HDAC4: variants seen among roughly 807,000 people sequenced by gnomAD.
HDAC4 encodes the protein histone deacetylase 4.
HDAC4 carries 16 observed loss-of-function variants against 135.1 expected under a neutral mutation model. The ratio of observed to expected loss-of-function variants is 0.12; its 90% CI spans 0.08 to 0.18. The LOEUF is 0.18. Ranked by LOEUF, HDAC4 falls within the 10% of genes least tolerant of loss-of-function variation. The pLI is 1.00. For synonymous variants in HDAC4, 685 were observed against 653.4 expected (o/e 1.05, Z -0.74); for missense variants, 1,143 against 1,511.8 (o/e 0.76, Z 4.05).
intron 2 of HDAC4, among the ~76,000 whole-genome samples, chr2:239,350,550 C>A (rs1037397218): frequency 3.9e-5 from 6 of 151,948 alleles, no homozygotes; most frequent in African/African-American, 1.5e-4. Context: ...TGTCGCCAGG[C>A]TGAAGTACAG....
intron 12 of HDAC4, among the ~76,000 whole-genome samples, chr2:239,124,770 T>C (rs13000155): frequency 0.21 from 5,268 of 25,024 alleles, 437 homozygotes; most frequent in African/African-American, 0.26. Flanking sequence ...TGTGACATTC[T>C]GGTGTGCTGG....
intron 1 of HDAC4, among the ~76,000 whole-genome samples, chr2:239,363,567 C>T (rs923785982): frequency 6.6e-6 from 1 of 152,152 alleles, no homozygotes; most frequent in Non-Finnish European, 1.5e-5. Context: ...CCATACAGCC[C>T]GCCATGATGG....
intron 1 of HDAC4, among the ~76,000 whole-genome samples, chr2:239,353,829 C>A (rs1206108000): frequency 3.9e-5 from 6 of 152,214 alleles, no homozygotes; most frequent in African/African-American, 1.2e-4. Context: ...ATTCCCACCA[C>A]AAAATGTCAT....
rs765730189 is a variant in HDAC4, at chr2:239,190,066, T to A, written c.106A>T (p.Thr36Ser). The A allele has an allele frequency of 6.3e-7, 1 of 1,599,474 alleles. No homozygotes were observed. The highest frequency in any genetic ancestry group is 8.5e-7 in the Non-Finnish European group (1 of 1,178,882). Residue 36 changes from threonine to serine, a missense_variant, in exon 4 of 27, where the codon ACG (threonine) becomes TCG (serine). Physicochemically the swap from Thr to Ser is moderately conservative, Grantham distance 58. Around this residue, in one of 9 missense-constraint regions of HDAC4, gnomAD observed 247 missense variants for 310.0 expected, o/e 0.80. Transcript: ENST00000543185. ...NHMPSTVDVATALPLQVAPSA... is the reference protein window; with the variant it reads ...NHMPSTVDVASALPLQVAPSA... ...GGGGCCACTTGCAGAGGCAGCGCCGTGGCCACATCCACTGTGGGAAAAACA... is the reference window on the plus strand; with the variant it reads ...GGGGCCACTTGCAGAGGCAGCGCCGAGGCCACATCCACTGTGGGAAAAACA...
chr2:239,204,906 C>G (rs780256931), intron 3 of HDAC4, among the ~76,000 whole-genome samples: 20 of 152,160 alleles, frequency 1.3e-4, no homozygotes, highest in African/African-American at 2.4e-5. Context: ...AGAGCTAACC[C>G]CTGCTACCTG....
chr2:239,328,581 C>T (rs1248581415), intron 2 of HDAC4, among the ~76,000 whole-genome samples: 1 of 152,200 alleles, frequency 6.6e-6, no homozygotes, highest in Non-Finnish European at 1.5e-5. Context: ...ACATCCTATC[C>T]ATGAGAGTGG....
At chr2:239,321,444 G>GCAAC (rs2053307332) in intron 2 of HDAC4, among the ~76,000 whole-genome samples, 1 of 114,086 alleles carries the variant, frequency 8.8e-6, no homozygotes, top group African/African-American at 3.3e-5. Context: ...CAGCCTGGGT[G>GCAAC]AAAGAGCAAG....
chr2:239,112,236 T>A (rs2038741501), intron 13 of HDAC4, among the ~76,000 whole-genome samples: 1 of 152,192 alleles, frequency 6.6e-6, no homozygotes. Flanking sequence ...CACTCTGCCA[T>A]ACCACACACA....
intron 24 of HDAC4, chr2:239,055,284 G>C (rs1181879586): frequency 4.1e-6 from 1 of 242,808 alleles, no homozygotes; most frequent in Non-Finnish European, 8.2e-6. Flanking sequence ...AGATGAAATG[G>C]AAGAAGTAGT....
intron 2 of HDAC4, among the ~76,000 whole-genome samples, chr2:239,315,515 C>T (rs752788000): frequency 1.4e-4 from 22 of 152,162 alleles, no homozygotes; most frequent in Non-Finnish European, 2.2e-4. Flanking sequence ...TGCTAAAACA[C>T]GCCTCAAAGC....
chr2:239,301,057 T>A (rs2052225686), intron 2 of HDAC4, among the ~76,000 whole-genome samples: 1 of 152,216 alleles, frequency 6.6e-6, no homozygotes, highest in South Asian at 2.1e-4. Context: ...CTGCTGCTGC[T>A]GCTCAGCCGG....
At chr2:239,080,178 C>T (rs146061220) in intron 22 of HDAC4, among the ~76,000 whole-genome samples, 63 of 148,508 alleles carry the variant, frequency 4.2e-4, no homozygotes, top group Admixed American at 8.6e-4. Context: ...GCACTCACAT[C>T]CATACACAGA....
rs1331000199 is a variant in HDAC4 at position 239,352,850 on chromosome 2, C to T, written c.-151G>A. 5 of 795,516 alleles carry T rather than the reference C, an allele frequency of 6.3e-6. No individual in the cohort carries two copies. Among genetic ancestry groups the T allele is most frequent in the African/African-American group, 1.7e-5 (1 of 58,556 alleles). 49.3% of individuals were successfully genotyped at this position (795,516 alleles called of 1,614,324 possible). On this transcript the variant is annotated 5_prime_UTR_variant, in exon 2 of 27. Coordinates refer to ENST00000543185, the MANE Select transcript of HDAC4 (RefSeq NM_001378414.1). The surrounding 1 kb of genome is among the most constrained non-coding windows in gnomAD (Gnocchi z 4.4). ...CAGACGTTCAAGCGCCGAGCCTCGC[C>T]GGCAAGGTCTCATGAGCCAGGTAAC...
Position 239,286,717 on chromosome 2 carries a change from G to C in HDAC4, c.23-50053C>G, listed in dbSNP as rs577324130. ...CATCAAGGACAAAAGAAGATGTGAC[G>C]AGCAGCCAGTGAGACACAGACAGAC... On this transcript the variant is annotated intron_variant, in intron 2 of 26. Coordinates refer to ENST00000543185, the MANE Select transcript of HDAC4 (RefSeq NM_001378414.1). 6.0e-5 allele frequency among the ~76,000 whole-genome samples: 9 copies of C among 149,074 alleles called. No individual in the cohort carries two copies. In the South Asian group the frequency reaches 1.7e-3, roughly 28 times the overall value.
chr2:239,134,756 T>C lies in HDAC4; in HGVS notation c.979-113A>G, dbSNP rs10210263. 974 of 794,776 alleles carry C rather than the reference T, an allele frequency of 1.2e-3. 9 individuals carry two copies. The African/African-American group carries it at 0.014, about 12-fold the overall frequency. The allele number at this position is 794,776 out of a possible 1,614,324, so 49.2% of individuals were successfully genotyped here. On this transcript the variant is annotated intron_variant, in intron 9 of 26. Transcript: ENST00000543185. ...TGCACTGAATTCTGATATATGAGCG[T>C]AAACGTACATGTAACAAATGAGACA... is the stretch of plus-strand genomic sequence containing the variant.
At chr2:239,104,538 TC>T (rs1349698144) in intron 15 of HDAC4, among the ~76,000 whole-genome samples, 1 of 152,228 alleles carries the variant, frequency 6.6e-6, no homozygotes, top group Non-Finnish European at 1.5e-5. Flanking sequence ...CCAGGGCTTC[TC>T]ATTTCTAATG....
chr2:239,236,972 CT>C (rs1349226970), intron 2 of HDAC4, among the ~76,000 whole-genome samples: 2 of 152,288 alleles, frequency 1.3e-5, no homozygotes, highest in East Asian at 3.9e-4. Context: ...GAAGTCGGCT[CT>C]TCTGCAGACC....
chr2:239,179,401 G>C (rs2043994453), intron 4 of HDAC4, among the ~76,000 whole-genome samples: 1 of 152,230 alleles, frequency 6.6e-6, no homozygotes, highest in Non-Finnish European at 1.5e-5. Flanking sequence ...GCTCCTGCTG[G>C]ATCAGTGGTG....
At chr2:239,193,680 C>A (rs542530071) in intron 3 of HDAC4, among the ~76,000 whole-genome samples, 6 of 152,324 alleles carry the variant, frequency 3.9e-5, no homozygotes, top group Admixed American at 3.3e-4. Flanking sequence ...GCCAAGAGCG[C>A]GAGGGGAAGC....
Sources: gnomAD v4.1 joint callset for allele counts (sites outside exome capture counted in the v4.1 genomes callset) on GRCh38, gnomAD v4.1.1 for gene constraint, gnomAD v4.1.1 regional missense constraint, Gnocchi (gnomAD v3.1) non-coding constraint, MANE v1.5 for transcripts, NCBI Gene and HGNC (gene_info 2026-07-23, HGNC 2026-07-21) for gene names.